KCNT1: variants seen among roughly 807,000 people sequenced by gnomAD.
KCNT1 encodes the protein potassium sodium-activated channel subfamily T member 1.
Under a neutral mutation model 147.8 loss-of-function variants are expected in KCNT1, and 78 were observed. The observed-to-expected ratio is 0.53, with a 90% CI of 0.44 to 0.64. The LOEUF is 0.64. Ranked by LOEUF, KCNT1 falls within the 30% of genes least tolerant of loss-of-function variation. The probability of loss-of-function intolerance (pLI) is 0.00; values close to 1 mark genes in which losing one functional copy is unlikely to be tolerated. For synonymous variants in KCNT1, 867 were observed against 748.8 expected, an observed-to-expected ratio of 1.16 and a Z score of -2.58; for missense variants, 1,419 against 1,750.3, an observed-to-expected ratio of 0.81 and a Z score of 3.38.
At chr9:135,782,806 TCAC>T (rs1564388019) in intron 24 of KCNT1, among the ~76,000 whole-genome samples, 1 of 152,226 alleles carries the variant, frequency 6.6e-6, no homozygotes, top group African/African-American at 2.4e-5. Context: ...TGGATGCAAA[TCAC>T]CACGATTGCA....
intron 1 of KCNT1, among the ~76,000 whole-genome samples, chr9:135,710,979 C>T (rs975366271): frequency 3.3e-5 from 5 of 152,150 alleles, no homozygotes; most frequent in African/African-American, 7.2e-5. Context: ...GGCTTTCTCC[C>T]GGTGGCTCTC....
chr9:135,790,373 C>T (rs934391059), intron 29 of KCNT1: 1 of 152,308 alleles, frequency 6.6e-6, no homozygotes, highest in Non-Finnish European at 1.5e-5. Flanking sequence ...GGGAAGACCC[C>T]ACCATGGGTT....
chr9:135,703,058 A>G, intron 1 of KCNT1: 1 of 152,554 alleles, frequency 6.6e-6, no homozygotes, highest in Non-Finnish European at 1.5e-5. Flanking sequence ...AGAGGCACGG[A>G]CCGGCAGCTG....
In KCNT1 at chr9:135,794,288, C is replaced by CTT. The variant is rs1834717968; in HGVS notation, c.*2128_*2129dup. The stretch of plus-strand genomic sequence containing the variant: ...CCACCACCATGAGGCCGGGAGGCAT[C>CTT]TTAGCCTTTGAGCCTCTCTCCAGGG... On this transcript the variant is annotated 3_prime_UTR_variant, in exon 31 of 31. Coordinates refer to ENST00000371757, the MANE Select transcript of KCNT1 (RefSeq NM_020822.3). 1 of 152,270 alleles carries CTT rather than the reference C, an allele frequency of 6.6e-6. No homozygotes were observed. The highest frequency in any genetic ancestry group is 1.5e-5 in the Non-Finnish European group (1 of 68,072). 9.4% of individuals were successfully genotyped at this position (152,270 alleles called of 1,614,324 possible). A position where few individuals can be genotyped will look rare whatever the true frequency, so the allele number is the denominator to read the frequency against.
At chr9:135,780,602 C>G (rs1377807837) in intron 24 of KCNT1, among the ~76,000 whole-genome samples, 1 of 152,212 alleles carries the variant, frequency 6.6e-6, no homozygotes, top group Non-Finnish European at 1.5e-5. Context: ...GAGATGCCAG[C>G]CTGAGGCGTA....
At chr9:135,780,754 G>A (rs1334912195) in intron 24 of KCNT1, among the ~76,000 whole-genome samples, 7 of 152,220 alleles carry the variant, frequency 4.6e-5, no homozygotes, top group Non-Finnish European at 1.0e-4. Context: ...AGAGGGGTGT[G>A]CTCTGCAGCT....
chr9:135,732,018 A>AGC (rs1836489449), intron 2 of KCNT1, among the ~76,000 whole-genome samples: 1 of 114,416 alleles, frequency 8.7e-6, no homozygotes, highest in African/African-American at 3.2e-5. Context: ...AGAGAGAGAG[A>AGC]GAGAGAGAGA....
intron 11 of KCNT1, among the ~76,000 whole-genome samples, chr9:135,762,214 C>T (rs549024986): frequency 4.6e-5 from 7 of 152,164 alleles, no homozygotes; most frequent in Admixed American, 1.3e-4. Context: ...AAGGCCAAGG[C>T]GGGAGGATCG....
intron 3 of KCNT1, chr9:135,750,601 G>A: frequency 2.6e-6 from 1 of 383,926 alleles, no homozygotes; most frequent in Non-Finnish European, 4.9e-6. Context: ...CCCCGGGATT[G>A]CAGGTGAGGA....
chr9:135,766,476 G>A (rs935702329), intron 13 of KCNT1, among the ~76,000 whole-genome samples: 1 of 151,878 alleles, frequency 6.6e-6, no homozygotes, highest in African/African-American at 2.4e-5. Flanking sequence ...GGACCGTCTG[G>A]GGTATACCCT....
chr9:135,745,678 C>T (rs746513376), intron 2 of KCNT1, among the ~76,000 whole-genome samples: 18 of 152,222 alleles, frequency 1.2e-4, no homozygotes, highest in Non-Finnish European at 1.9e-4. Flanking sequence ...CTGCTGTCCT[C>T]GGGACACGCC....
At chr9:135,735,256 C>T (rs1053036958) in intron 2 of KCNT1, among the ~76,000 whole-genome samples, 2 of 152,320 alleles carry the variant, frequency 1.3e-5, no homozygotes, top group Non-Finnish European at 2.9e-5. Flanking sequence ...TCGGGGAGGG[C>T]GCTAGGGCAG....
intron 2 of KCNT1, among the ~76,000 whole-genome samples, chr9:135,732,758 C>CTCTCTCTCTCTCAT (rs1174147223): frequency 6.7e-6 from 1 of 150,194 alleles, no homozygotes; most frequent in Non-Finnish European, 1.5e-5. Flanking sequence ...CTATCTCTCT[C>CTCTCTCTCTCTCAT]TCTCTCTCTC....
intron 1 of KCNT1, among the ~76,000 whole-genome samples, chr9:135,704,185 C>T (rs1564306749): frequency 2.0e-5 from 3 of 152,220 alleles, no homozygotes; most frequent in Admixed American, 6.5e-5. Context: ...TGCCAGGCAA[C>T]AGCGTGGTCA....
chr9:135,779,977 C>A (rs1833490292), intron 24 of KCNT1, among the ~76,000 whole-genome samples: 1 of 152,258 alleles, frequency 6.6e-6, no homozygotes. Context: ...GACGGAGGGC[C>A]TGAGAGGGAA....
At position 135,770,395 on chromosome 9, in the gene KCNT1, C is replaced by T. The variant is rs557219607; in HGVS notation, c.1717C>T (p.Arg573Cys). The T allele has an allele frequency of 2.1e-5, 34 of 1,613,246 alleles. No individual in the cohort carries two copies. Among genetic ancestry groups the T allele is most frequent in the Admixed American group, 1.7e-4 (10 of 59,998 alleles). ...HIRMGDSKFF[R>C]EYEGKSFTYA... is the part of the protein sequence containing the mutation. ...CCGCATGGGTGACAGCAAGTTCTTCCGCGAGTACGAGGGCAAGAGCTTCAC... is the reference window on the plus strand; with the variant it reads ...CCGCATGGGTGACAGCAAGTTCTTCTGCGAGTACGAGGGCAAGAGCTTCAC... The change falls in exon 17 of 31, where the codon CGC becomes TGC. Residue 573 changes from arginine to cysteine, a missense_variant. Physicochemically the swap from Arg to Cys is radical, Grantham distance 180 (BLOSUM62 -3). Around this residue, in one of 5 missense-constraint regions of KCNT1, gnomAD observed 284 missense variants for 292.8 expected, o/e 0.97. Coordinates refer to ENST00000371757, the MANE Select transcript of KCNT1 (RefSeq NM_020822.3).
At position 135,768,653 on chromosome 9, in the gene KCNT1, G is replaced by T; in HGVS notation, c.1381G>T (p.Glu461Ter). The T allele has an allele frequency of 6.4e-7, 1 of 1,550,508 alleles. No homozygotes were observed. Among genetic ancestry groups the T allele is most frequent in the Non-Finnish European group, 8.7e-7 (1 of 1,146,854 alleles). Reference sequence around the variant, plus strand: ...CTGCTTCATCCTCAGCAGCAGGAACGAGGTGGACCGCACGGCTGCAGTGAG... The same window carrying T: ...CTGCTTCATCCTCAGCAGCAGGAACTAGGTGGACCGCACGGCTGCAGTGAG... ...EACFILSSRN[E>*]VDRTAADHQT... Residue 461 changes from glutamate (E) to a stop codon, truncating the protein, a stop_gained, in exon 14 of 31, where the codon GAG (glutamate) becomes TAG (stop). Transcript: ENST00000371757. LOFTEE classifies it high-confidence loss of function.
chr9:135,710,696 C>T (rs558629137), intron 1 of KCNT1, among the ~76,000 whole-genome samples: 7 of 152,220 alleles, frequency 4.6e-5, no homozygotes, highest in Non-Finnish European at 2.9e-5. Flanking sequence ...CAGCAGAAGA[C>T]GAGGGCCCTC....
chr9:135,748,595 G>A (rs1214759636), intron 2 of KCNT1, among the ~76,000 whole-genome samples: 1 of 152,198 alleles, frequency 6.6e-6, no homozygotes, highest in Non-Finnish European at 1.5e-5. Flanking sequence ...GTTGAGGCAG[G>A]AACAGGGGTT....
Sources: gnomAD v4.1 joint callset for allele counts (sites outside exome capture counted in the v4.1 genomes callset) on GRCh38, gnomAD v4.1.1 for gene constraint, gnomAD v4.1.1 regional missense constraint, MANE v1.5 for transcripts, NCBI Gene and HGNC (gene_info 2026-07-23, HGNC 2026-07-21) for gene names.